PHACTR2: variants seen among roughly 807,000 people sequenced by gnomAD.
The protein encoded by PHACTR2 is chromosome 6 open reading frame 56.
PHACTR2 carries 30 observed loss-of-function variants against 76.0 expected under a neutral mutation model. The ratio of observed to expected loss-of-function variants is 0.39; its 90% confidence interval spans 0.30 to 0.54. The LOEUF is 0.54. Among genes scored for constraint, PHACTR2 ranks in the 20% least tolerant of loss-of-function variants. PHACTR2 has a pLI of 0.61. For synonymous variants in PHACTR2, 292 were observed against 292.5 expected (o/e 1.00, Z 0.02); for missense variants, 696 against 781.1 (o/e 0.89, Z 1.30).
intron 1 of PHACTR2, among the ~76,000 whole-genome samples, chr6:143,645,973 A>G (rs1046077326): frequency 6.6e-6 from 1 of 152,228 alleles, no homozygotes; most frequent in Non-Finnish European, 1.5e-5. Context: ...AGGATTGATT[A>G]CCTCAAAATA....
At position 143,585,502 on chromosome 6, in the gene PHACTR2, A is replaced by G. The variant is rs1048650249; in HGVS notation, c.217+48295A>G. Among the ~76,000 whole-genome samples the G allele has an allele frequency of 6.6e-6, 1 of 152,224 alleles. No individual in the cohort carries two copies. Among genetic ancestry groups the G allele is most frequent in the African/African-American group, 2.4e-5 (1 of 41,452 alleles). On this transcript the variant is annotated intron_variant, in intron 1 of 11. Transcript: ENST00000367584. The surrounding 1 kb of genome is among the most constrained non-coding windows in gnomAD (Gnocchi z 5.2). ...GCTTCAGGAGTAAGGAACTGGATTC[A>G]GAAACAAGAGCTGCCAGTGCCGCAT...
At chr6:143,785,673 A>C (rs896961134) in intron 10 of PHACTR2, among the ~76,000 whole-genome samples, 9 of 152,138 alleles carry the variant, frequency 5.9e-5, no homozygotes. Context: ...CCCATGGCAA[A>C]CTTTGGCCTG....
At position 143,550,869 on chromosome 6, in the gene PHACTR2, T is replaced by C. The variant is rs1029926682; in HGVS notation, c.217+13662T>C. Among the ~76,000 whole-genome samples, 2 of 151,918 alleles carry C rather than the reference T, an allele frequency of 1.3e-5. No individual in the cohort carries two copies. Among genetic ancestry groups the C allele is most frequent in the Non-Finnish European group, 2.9e-5 (2 of 67,934 alleles). ...GCCTGGGCAACATGGTGAAACCCCA[T>C]CTCTAGAAAAAATACAAAAATTAGC... On this transcript the variant is annotated intron_variant, in intron 1 of 11. Coordinates refer to the PHACTR2 transcript ENST00000367584. This position sits in a 1 kb window ranked among gnomAD's most constrained non-coding sequence, Gnocchi z 4.8.
chr6:143,558,703 A>G lies in PHACTR2; in HGVS notation c.217+21496A>G, dbSNP rs1345322708. On this transcript the variant is annotated intron_variant, in intron 1 of 11. Coordinates refer to the PHACTR2 transcript ENST00000367584. This position sits in a 1 kb window ranked among gnomAD's most constrained non-coding sequence, Gnocchi z 4.7. ...TAAGATACATTCATGCGTTTTTCCA[A>G]TGCGAGGAGGTAGAGATCGTTTTAC... Among the ~76,000 whole-genome samples, 1 of 152,146 alleles carries G rather than the reference A, an allele frequency of 6.6e-6. No individual in the cohort carries two copies. Among genetic ancestry groups the G allele is most frequent in the East Asian group, 1.9e-4 (1 of 5,184 alleles).
chr6:143,748,979 TA>T lies in PHACTR2; in HGVS notation c.215-2del. On this transcript the variant is annotated splice_region_variant and splice_polypyrimidine_tract_variant and intron_variant, in intron 2 of 12. Transcript: ENST00000440869. ...GATTCTTACTTGTGCTTGTTCTTTT[TA>T]AAAGTATTAGAAAGGAAGATATCCA... 1 of 1,461,218 alleles carries T rather than the reference TA, an allele frequency of 6.8e-7. No homozygotes were observed. The highest frequency in any genetic ancestry group is 9.6e-7 in the Non-Finnish European group (1 of 1,046,538). The allele number at this position is 1,461,218 out of a possible 1,614,324, so 90.5% of individuals were successfully genotyped here.
At chr6:143,752,540 G>A (rs767842165) in intron 3 of PHACTR2, among the ~76,000 whole-genome samples, 12 of 151,948 alleles carry the variant, frequency 7.9e-5, no homozygotes, top group Non-Finnish European at 1.2e-4. Context: ...AGTTTTACAC[G>A]GGACTTAGTT....
Position 143,777,466 on chromosome 6 carries a change from A to G in PHACTR2, c.1645+83A>G. 4.9e-6 allele frequency: 3 copies of G among 608,016 alleles called. No individual in the cohort carries two copies. Among genetic ancestry groups the G allele is most frequent in the African/African-American group, 1.9e-5 (1 of 52,576 alleles). The allele number at this position is 608,016 out of a possible 1,614,324, so 37.7% of individuals were successfully genotyped here. On this transcript the variant is annotated intron_variant, in intron 9 of 12. Transcript: ENST00000440869. The surrounding 1 kb of genome is among the most constrained non-coding windows in gnomAD (Gnocchi z 4.6). ...CAGATGATCGATTTATCAGTAAGAA[A>G]CCATCATATATTCATTTACTCAAGA...
intron 1 of PHACTR2, among the ~76,000 whole-genome samples, chr6:143,609,633 G>A (rs1775946495): frequency 6.6e-6 from 1 of 152,184 alleles, no homozygotes; most frequent in African/African-American, 2.4e-5. Flanking sequence ...AATTACAGTG[G>A]TAGAGTGAGT....
At chr6:143,691,998 T>C (rs1446471305) in intron 1 of PHACTR2, among the ~76,000 whole-genome samples, 2 of 152,208 alleles carry the variant, frequency 1.3e-5, no homozygotes, top group Admixed American at 6.5e-5. Context: ...GTGTGCCTAT[T>C]TGCAGCCCAT....
rs545676819 is a variant in PHACTR2, at chr6:143,698,301, G to A, written c.47-13715G>A. Reference sequence around the variant, plus strand: ...CAAAATAGAACATCTCGCAAGTGGGGCATCCTCAATAACTATGTTAGAAAA... The same window carrying A: ...CAAAATAGAACATCTCGCAAGTGGGACATCCTCAATAACTATGTTAGAAAA... On this transcript the variant is annotated intron_variant, in intron 1 of 12. Transcript: ENST00000440869. This position sits in a 1 kb window ranked among gnomAD's most constrained non-coding sequence, Gnocchi z 4.3. Among the ~76,000 whole-genome samples the A allele has an allele frequency of 4.6e-5, 7 of 152,218 alleles. No homozygotes were observed. In the East Asian group the frequency reaches 1.2e-3, roughly 25 times the overall value.
At chr6:143,790,308 T>C (rs1775652684) in intron 11 of PHACTR2, among the ~76,000 whole-genome samples, 1 of 151,922 alleles carries the variant, frequency 6.6e-6, no homozygotes, top group African/African-American at 2.4e-5. Flanking sequence ...TTTTATGTGG[T>C]GAAGGGGTCA....
intron 1 of PHACTR2, among the ~76,000 whole-genome samples, chr6:143,568,912 A>G (rs12738): frequency 0.61 from 92,960 of 151,828 alleles, 28,789 homozygotes; most frequent in Middle Eastern, 0.72. Context: ...GTAGATCAAC[A>G]GGCACATTTC....
intron 1 of PHACTR2, among the ~76,000 whole-genome samples, chr6:143,645,744 T>A (rs1332777260): frequency 6.6e-6 from 1 of 152,222 alleles, no homozygotes; most frequent in Non-Finnish European, 1.5e-5. Flanking sequence ...GTTTAGTAAG[T>A]CATGTTGACA....
rs1450511235 is a variant in PHACTR2, at chr6:143,558,613, A to G, written c.217+21406A>G. 6.6e-6 allele frequency among the ~76,000 whole-genome samples: 1 copy of G among 152,052 alleles called. No homozygotes were observed. Among genetic ancestry groups the G allele is most frequent in the Non-Finnish European group, 1.5e-5 (1 of 68,008 alleles). ...TTCACTTATTCCTGTCTCCTTTGTC[A>G]TTTTCTTTAGTAATATTCTGGGTAG... On this transcript the variant is annotated intron_variant, in intron 1 of 11. Transcript: ENST00000367584. The surrounding 1 kb of genome is among the most constrained non-coding windows in gnomAD (Gnocchi z 4.7).
intron 1 of PHACTR2, among the ~76,000 whole-genome samples, chr6:143,552,017 C>T (rs557393556): frequency 6.6e-5 from 10 of 152,302 alleles, no homozygotes; most frequent in African/African-American, 2.4e-4. Context: ...TAAACTTTAA[C>T]TTTTCATGTG....
chr6:143,692,939 G>C (rs531893219), intron 1 of PHACTR2, among the ~76,000 whole-genome samples: 1 of 152,298 alleles, frequency 6.6e-6, no homozygotes, highest in Non-Finnish European at 1.5e-5. Flanking sequence ...CAAGGTGTCA[G>C]CAGGGTTAGC....
In PHACTR2 at chr6:143,646,185, T is replaced by A. The variant is rs1252477099; in HGVS notation, c.13+37863T>A. 1.3e-5 allele frequency among the ~76,000 whole-genome samples: 2 copies of A among 152,158 alleles called. No individual in the cohort carries two copies. The highest frequency in any genetic ancestry group is 4.8e-5 in the African/African-American group (2 of 41,448). ...TCATAGGCTGGGTACAAGAGAGGTA[T>A]AAATTAGGCTCAAATGGGGCCCACA... On this transcript the variant is annotated intron_variant, in intron 1 of 11. Coordinates refer to the PHACTR2 transcript ENST00000305766. The surrounding 1 kb of genome is among the most constrained non-coding windows in gnomAD (Gnocchi z 4.1).
Position 143,622,112 on chromosome 6 carries a change from C to T in PHACTR2, c.13+13790C>T, listed in dbSNP as rs547645255. 2.2e-4 allele frequency among the ~76,000 whole-genome samples: 33 copies of T among 152,272 alleles called. No homozygotes were observed. The South Asian group carries it at 6.0e-3, about 28-fold the overall frequency. On this transcript the variant is annotated intron_variant, in intron 1 of 11. Transcript: ENST00000305766. ...AGTTTGTGAATTTTTTACATTTATT[C>T]GGGCCGAGTTGCAGTTCGGTTGATT...
intron 1 of PHACTR2, among the ~76,000 whole-genome samples, chr6:143,540,962 T>C (rs993975601): frequency 6.6e-6 from 1 of 152,222 alleles, no homozygotes; most frequent in Admixed American, 6.5e-5. Flanking sequence ...TTGTCCAAGC[T>C]GGAGTACAAT....
Sources: allele counts gnomAD v4.1 joint callset (sites outside exome capture counted in the v4.1 genomes callset), GRCh38; gene constraint gnomAD v4.1.1; non-coding constraint Gnocchi (gnomAD v3.1); transcripts MANE v1.5; gene names NCBI Gene and HGNC (gene_info 2026-07-23, HGNC 2026-07-21).